The following CERS3 variants were observed in gnomAD, a reference collection of about 807,000 sequenced individuals.
The protein encoded by CERS3 is ceramide synthase 3, also known as LAG1 homolog, ceramide synthase 3.
In CERS3, 33 loss-of-function variants were observed where a neutral mutation model predicts 50.3. That is an observed-to-expected ratio of 0.66 (90% CI 0.50 to 0.88). The LOEUF is 0.88. Among genes scored for constraint, CERS3 ranks in the 40% least tolerant of loss-of-function variants. The pLI is 0.00. For missense variants in CERS3, 470 were observed against 460.3 expected, an observed-to-expected ratio of 1.02 and a Z score of -0.19; for synonymous variants, 176 against 155.2, an observed-to-expected ratio of 1.13 and a Z score of -0.99.
chr15:100,425,774 T>C (rs2585216), intron 11 of CERS3, among the ~76,000 whole-genome samples: 57,091 of 151,834 alleles, frequency 0.38, 11,228 homozygotes, highest in East Asian at 0.55. Flanking sequence ...GTGGGAGAGG[T>C]CAGGGGCAGA....
intron 11 of CERS3, among the ~76,000 whole-genome samples, chr15:100,416,114 T>A (rs1037031912): frequency 8.5e-6 from 1 of 118,150 alleles, no homozygotes; most frequent in Non-Finnish European, 1.9e-5. Context: ...CAATGTAATT[T>A]TTCACAGAAT....
At chr15:100,406,658 G>A (rs1221333323) in intron 11 of CERS3, among the ~76,000 whole-genome samples, 1 of 152,168 alleles carries the variant, frequency 6.6e-6, no homozygotes, top group East Asian at 1.9e-4. Context: ...TATGCTGGGA[G>A]CCAGGATCAA....
chr15:100,449,463 G>T (rs1046275174), intron 11 of CERS3, among the ~76,000 whole-genome samples: 2 of 152,136 alleles, frequency 1.3e-5, no homozygotes, highest in African/African-American at 4.8e-5. Flanking sequence ...GAATCAGCCC[G>T]CCTGGAGCTG....
At chr15:100,442,695 C>T (rs1322924717) in intron 11 of CERS3, among the ~76,000 whole-genome samples, 1 of 152,202 alleles carries the variant, frequency 6.6e-6, no homozygotes, top group Non-Finnish European at 1.5e-5. Flanking sequence ...CCCAGAGCCC[C>T]TGGAACTCCG....
chr15:100,452,923 T>C (rs1172664223), intron 11 of CERS3, among the ~76,000 whole-genome samples: 1 of 152,006 alleles, frequency 6.6e-6, no homozygotes, highest in African/African-American at 2.4e-5. Context: ...CATAAACACA[T>C]ACAACGTCCC....
At chr15:100,410,638 CT>C (rs775922168) in intron 11 of CERS3, among the ~76,000 whole-genome samples, 2 of 152,142 alleles carry the variant, frequency 1.3e-5, no homozygotes, top group Non-Finnish European at 2.9e-5. Context: ...TCTGCTTCTC[CT>C]TTTCTTTTGA....
chr15:100,432,102 C>T lies in CERS3; in HGVS notation c.999+23791G>A, dbSNP rs545263295. Among the ~76,000 whole-genome samples, 14 of 151,752 alleles carry T rather than the reference C, an allele frequency of 9.2e-5. No homozygotes were observed. In the South Asian group the frequency reaches 1.9e-3, roughly 20 times the overall value. On this transcript the variant is annotated intron_variant, in intron 11 of 11. Transcript: ENST00000679737. ...TTTTTTAAGAGACAGGGTCTTGTTC[C>T]GTTTCCAGGCTAGATTGTGCAGTGG...
At chr15:100,443,001 C>T (rs1291245084) in intron 11 of CERS3, among the ~76,000 whole-genome samples, 3 of 151,706 alleles carry the variant, frequency 2.0e-5, no homozygotes, top group African/African-American at 7.3e-5. Context: ...AGACAATACT[C>T]TTTTAAGCAC....
intron 1 of CERS3, among the ~76,000 whole-genome samples, chr15:100,537,554 G>T (rs2037103418): frequency 6.6e-6 from 1 of 152,206 alleles, no homozygotes; most frequent in Non-Finnish European, 1.5e-5. Flanking sequence ...GAAAGGAGAA[G>T]TGCCAAGCGA....
upstream of CERS3, among the ~76,000 whole-genome samples, chr15:100,529,661 T>G (rs1445868828): frequency 1.3e-5 from 2 of 152,152 alleles, no homozygotes; most frequent in Non-Finnish European, 2.9e-5. Flanking sequence ...ATTTGAGATA[T>G]TGTACCTTTG....
Position 100,543,476 on chromosome 15 carries a change from G to A in CERS3, c.-355+1175C>T, listed in dbSNP as rs565489517. Among the ~76,000 whole-genome samples the A allele has an allele frequency of 8.6e-5, 12 of 139,992 alleles. No individual in the cohort carries two copies. The South Asian group carries it at 2.3e-3, about 27-fold the overall frequency. 91.8% of individuals were successfully genotyped at this position (139,992 alleles called of 152,430 possible). A position where few individuals can be genotyped will look rare whatever the true frequency, so the allele number is the denominator to read the frequency against. Reference sequence around the variant, plus strand: ...TCAGTCCTCTGAACTATGACCACAAGAGAAGGCTTCCTTCCTTCCTTCCTT... The same window carrying A: ...TCAGTCCTCTGAACTATGACCACAAAAGAAGGCTTCCTTCCTTCCTTCCTT... On this transcript the variant is annotated intron_variant, in intron 1 of 12. Transcript: ENST00000284382.
chr15:100,456,229 A>T (rs2034369604), intron 10 of CERS3, among the ~76,000 whole-genome samples, 183 bp from the exon 11 acceptor site: 1 of 152,228 alleles, frequency 6.6e-6, no homozygotes, highest in South Asian at 2.1e-4. Flanking sequence ...CAAGCAACAA[A>T]AAAAGTACAA....
At chr15:100,429,463 C>T (rs1224481170) in intron 11 of CERS3, among the ~76,000 whole-genome samples, 1 of 152,128 alleles carries the variant, frequency 6.6e-6, no homozygotes, top group Non-Finnish European at 1.5e-5. Flanking sequence ...GTGATAGGCT[C>T]TTTACAACAA....
intron 1 of CERS3, among the ~76,000 whole-genome samples, chr15:100,543,848 T>C (rs950541369): frequency 1.3e-5 from 2 of 152,166 alleles, no homozygotes; most frequent in Non-Finnish European, 2.9e-5. Context: ...GTGCCTTTCT[T>C]ACCTTTGAGG....
intron 2 of CERS3, among the ~76,000 whole-genome samples, chr15:100,514,336 A>G (rs1197051556): frequency 2.0e-5 from 3 of 152,238 alleles, no homozygotes; most frequent in Admixed American, 1.3e-4. Flanking sequence ...TTAAGTTAGA[A>G]GAAGTTATTT....
At chr15:100,431,719 T>C (rs1293050170) in intron 11 of CERS3, among the ~76,000 whole-genome samples, 2 of 152,202 alleles carry the variant, frequency 1.3e-5, no homozygotes, top group East Asian at 3.8e-4. Flanking sequence ...AATCATTTAG[T>C]GGAAGAAGAG....
intron 2 of CERS3, among the ~76,000 whole-genome samples, chr15:100,519,341 G>T (rs1022182268): frequency 7.9e-5 from 12 of 152,116 alleles, no homozygotes; most frequent in African/African-American, 2.2e-4. Context: ...TCTGGGTGCT[G>T]TGTGAGGGGA....
chr15:100,426,770 A>C (rs1368662717), intron 11 of CERS3, among the ~76,000 whole-genome samples: 3 of 152,206 alleles, frequency 2.0e-5, no homozygotes, highest in Non-Finnish European at 4.4e-5. Context: ...CAGCTGTCTA[A>C]CAGTCTTTAA....
In CERS3 at chr15:100,472,901, GT is replaced by G. The variant is rs1301218814; in HGVS notation, c.738+22del. On this transcript the variant is annotated intron_variant, in intron 9 of 11. Coordinates refer to ENST00000679737, the MANE Select transcript of CERS3 (RefSeq NM_001378789.1). ...AACCCAGGACATGGTATTGTCATTA[GT>G]TTTTTAATGGCAAACGTTTACCTCC... 15 of 1,613,368 alleles carry G rather than the reference GT, an allele frequency of 9.3e-6. No homozygotes were observed. In the African/African-American group the frequency reaches 2.0e-4, roughly 22 times the overall value.
Sources: gnomAD v4.1 joint callset for allele counts (sites outside exome capture counted in the v4.1 genomes callset) on GRCh38, gnomAD v4.1.1 for gene constraint, MANE v1.5 for transcripts, NCBI Gene and HGNC (gene_info 2026-07-23, HGNC 2026-07-21) for gene names.